The following CCSER2 variants were observed in gnomAD, a reference collection of about 807,000 sequenced individuals.
The protein encoded by CCSER2 is coiled-coil serine rich protein 2, also known as serine-rich coiled-coil domain-containing protein 2.
A neutral mutation model predicts 92.3 loss-of-function variants in CCSER2; 46 were observed. The ratio of observed to expected loss-of-function variants is 0.50; its 90% CI spans 0.39 to 0.64. The LOEUF (loss-of-function observed/expected upper bound fraction) is 0.64, where lower values mean the gene tolerates loss of function less well. Ranked by LOEUF, CCSER2 falls within the 30% of genes least tolerant of loss-of-function variation. CCSER2 has a pLI of 0.00. For synonymous variants in CCSER2, 433 were observed against 431.4 expected, an observed-to-expected ratio of 1.00 and a Z score of -0.04; for missense variants, 1,244 against 1,238.9, an observed-to-expected ratio of 1.00 and a Z score of -0.06.
intron 3 of CCSER2, among the ~76,000 whole-genome samples, chr10:84,375,436 C>T (rs186269145): frequency 2.0e-5 from 3 of 151,886 alleles, no homozygotes; most frequent in Admixed American, 6.6e-5. Flanking sequence ...GTTGAGTTCT[C>T]GTACAGTGAT....
At chr10:84,490,063 T>C (rs1462284463) in intron 9 of CCSER2, among the ~76,000 whole-genome samples, 13 of 152,234 alleles carry the variant, frequency 8.5e-5, no homozygotes, top group African/African-American at 1.4e-4. Flanking sequence ...TGTTGAATAT[T>C]GGCCCCCACT....
At position 84,463,521 on chromosome 10, in the gene CCSER2, G is replaced by A. The variant is rs192511605; in HGVS notation, c.2065-412G>A. Among the ~76,000 whole-genome samples, 16 of 152,206 alleles carry A rather than the reference G, an allele frequency of 1.1e-4. No individual in the cohort carries two copies. The East Asian group carries it at 3.1e-3, about 29-fold the overall frequency. ...GTTATTTTTGCTGCTAAGCCTTACT[G>A]GGTTACTTAATATTATTGTTTATGG... On this transcript the variant is annotated intron_variant, in intron 6 of 9. Coordinates refer to ENST00000372088, the MANE Select transcript of CCSER2 (RefSeq NM_001284240.2).
intron 5 of CCSER2, among the ~76,000 whole-genome samples, chr10:84,426,529 C>A (rs1028615646): frequency 6.6e-6 from 1 of 152,160 alleles, no homozygotes; most frequent in Non-Finnish European, 1.5e-5. Context: ...TTAATAATAT[C>A]TTTATCTCAG....
intron 3 of CCSER2, among the ~76,000 whole-genome samples, chr10:84,377,224 G>A (rs917805317): frequency 2.0e-5 from 3 of 151,878 alleles, no homozygotes; most frequent in African/African-American, 4.8e-5. Context: ...TCCCTTTACC[G>A]TTACCACTTT....
chr10:84,417,820 T>C lies in CCSER2; in HGVS notation c.1664T>C (p.Met555Thr), dbSNP rs762682932. ...ESCDLEDDDL[M>T]LDVDLPEDAP... ...TGTGACCTTGAGGATGATGATCTTA[T>C]GCTTGATGTGGATCTGCCTGAGGAT... The change falls in exon 4 of 10, where the codon ATG (methionine) becomes ACG (threonine). Residue 555 changes from methionine to threonine, a missense_variant. By Grantham distance (81) the Met-to-Thr change is moderately conservative (BLOSUM62 -1). Transcript: ENST00000372088. The C allele has an allele frequency of 2.5e-6, 4 of 1,599,344 alleles. No homozygotes were observed. Among genetic ancestry groups the C allele is most frequent in the South Asian group, 2.2e-5 (2 of 90,774 alleles).
intron 6 of CCSER2, among the ~76,000 whole-genome samples, chr10:84,440,378 G>A (rs1340486233): frequency 6.6e-6 from 1 of 152,134 alleles, no homozygotes; most frequent in Non-Finnish European, 1.5e-5. Flanking sequence ...AAAGATGACT[G>A]AGTTCAAAAT....
At chr10:84,485,845 T>G (rs1404133485) in intron 9 of CCSER2, among the ~76,000 whole-genome samples, 1 of 152,196 alleles carries the variant, frequency 6.6e-6, no homozygotes, top group African/African-American at 2.4e-5. Context: ...CTGCACCTAT[T>G]AACTCGTCAT....
rs1055874603 is a variant in CCSER2, at chr10:84,517,752, C to T, written c.*3485C>T. 1 of 152,552 alleles carries T rather than the reference C, an allele frequency of 6.6e-6. No individual in the cohort carries two copies. Among genetic ancestry groups the T allele is most frequent in the Non-Finnish European group, 1.5e-5 (1 of 68,022 alleles). 9.4% of individuals were successfully genotyped at this position (152,552 alleles called of 1,614,324 possible). A position where few individuals can be genotyped will look rare whatever the true frequency, so the allele number is the denominator to read the frequency against. ...GTATTTTACTTTTTTCTCAGTACATCAGAGAGAGCGTGATCCCCCTACAGC... is the reference window on the plus strand; with the variant it reads ...GTATTTTACTTTTTTCTCAGTACATTAGAGAGAGCGTGATCCCCCTACAGC... On this transcript the variant is annotated 3_prime_UTR_variant, in exon 10 of 10. Coordinates refer to ENST00000372088, the MANE Select transcript of CCSER2 (RefSeq NM_001284240.2).
chr10:84,373,588 T>C, intron 2 of CCSER2, 31 bp from the exon 3 acceptor site: 2 of 1,487,806 alleles, frequency 1.3e-6, no homozygotes, highest in Non-Finnish European at 1.9e-6. Context: ...AATTATATTT[T>C]TGTGAATCAG....
rs186095899 is a variant in CCSER2 at position 84,487,311 on chromosome 10, T to C, written c.2325+9647T>C. On this transcript the variant is annotated intron_variant, in intron 9 of 9. Transcript: ENST00000372088. ...AATTGGTAGCTTGATGGGGATGGCATTGAATCTATAAATTACCTTAGGCAG... is the reference window on the plus strand; with the variant it reads ...AATTGGTAGCTTGATGGGGATGGCACTGAATCTATAAATTACCTTAGGCAG... Among the ~76,000 whole-genome samples the C allele has an allele frequency of 2.2e-3, 329 of 152,368 alleles. 1 individual carries two copies. Among genetic ancestry groups the C allele is most frequent in the African/African-American group, 7.5e-3 (313 of 41,590 alleles).
chr10:84,342,070 C>T (rs78730458), intron 1 of CCSER2, among the ~76,000 whole-genome samples: 4 of 152,066 alleles, frequency 2.6e-5, no homozygotes, highest in Admixed American at 1.3e-4. Context: ...CCTTCCCCCC[C>T]CTGGAGGTTG....
In CCSER2 at chr10:84,439,913, A is replaced by G. The variant is rs1436062499; in HGVS notation, c.2064+1206A>G. ...AGATGATTTTTTGATTAGGAGTTTTAGTGTCAAAGGGAAGAGGTGGTAGGG... is the reference window on the plus strand; with the variant it reads ...AGATGATTTTTTGATTAGGAGTTTTGGTGTCAAAGGGAAGAGGTGGTAGGG... On this transcript the variant is annotated intron_variant, in intron 6 of 9. Coordinates refer to ENST00000372088, the MANE Select transcript of CCSER2 (RefSeq NM_001284240.2). 6.6e-5 allele frequency among the ~76,000 whole-genome samples: 10 copies of G among 152,276 alleles called. No individual in the cohort carries two copies. The East Asian group carries it at 1.9e-3, about 29-fold the overall frequency.
chr10:84,471,749 T>C (rs1341375898), intron 8 of CCSER2, among the ~76,000 whole-genome samples: 1 of 152,140 alleles, frequency 6.6e-6, no homozygotes, highest in Non-Finnish European at 1.5e-5. Flanking sequence ...CTAATGTAAA[T>C]TACATATCAT....
At chr10:84,457,512 A>G (rs1230203745) in intron 6 of CCSER2, among the ~76,000 whole-genome samples, 2 of 118,420 alleles carry the variant, frequency 1.7e-5, no homozygotes, top group African/African-American at 3.4e-5. Context: ...GCAATCATAT[A>G]TATTTATATA....
At chr10:84,370,859 A>G (rs917090072) in intron 1 of CCSER2, among the ~76,000 whole-genome samples, 155 bp from the exon 2 acceptor site, 2 of 152,176 alleles carry the variant, frequency 1.3e-5, no homozygotes, top group African/African-American at 4.8e-5. Context: ...TATTAATTTA[A>G]TTAGTGCATT....
intron 3 of CCSER2, among the ~76,000 whole-genome samples, chr10:84,409,044 G>A (rs1221042474): frequency 1.3e-5 from 2 of 152,246 alleles, no homozygotes; most frequent in East Asian, 3.8e-4. Flanking sequence ...GGGCTGGAGT[G>A]CAGTAGTGCG....
chr10:84,490,906 A>C (rs1205605836), intron 9 of CCSER2, among the ~76,000 whole-genome samples: 1 of 152,214 alleles, frequency 6.6e-6, no homozygotes, highest in Non-Finnish European at 1.5e-5. Context: ...GGTGACCGAC[A>C]GATGGGATTT....
At chr10:84,501,834 A>AAAAAAAAT (rs1167460274) in intron 9 of CCSER2, among the ~76,000 whole-genome samples, 5 of 40,174 alleles carry the variant, frequency 1.2e-4, no homozygotes, top group Non-Finnish European at 2.4e-4. Context: ...AAAAAAAAAA[A>AAAAAAAAT]ATATATATAT....
In CCSER2 at chr10:84,391,476, A is replaced by G. The variant is rs1460827427; in HGVS notation, c.1614+17661A>G. ...GACCTCACAAAAGCTTGCTTTCAGC[A>G]TGTTAAGCCTTGTATAGCTGATTTC... On this transcript the variant is annotated intron_variant, in intron 3 of 9. Transcript: ENST00000372088. 17 of 1,565,916 alleles carry G rather than the reference A, an allele frequency of 1.1e-5. No homozygotes were observed. In the East Asian group the frequency reaches 3.6e-4, roughly 33 times the overall value.
Sources: allele counts gnomAD v4.1 joint callset (sites outside exome capture counted in the v4.1 genomes callset), GRCh38; gene constraint gnomAD v4.1.1; transcripts MANE v1.5; gene names NCBI Gene and HGNC (gene_info 2026-07-23, HGNC 2026-07-21).